SOX5: variants seen among roughly 807,000 people sequenced by gnomAD.
SOX5 encodes transcription factor SOX-5.
In SOX5, 9 loss-of-function variants were observed where a neutral mutation model predicts 92.0. The observed-to-expected ratio is 0.10, with a 90% CI of 0.06 to 0.17. SOX5 has a LOEUF of 0.17. Ranked by LOEUF, SOX5 falls within the 10% of genes least tolerant of loss-of-function variation. The probability of loss-of-function intolerance (pLI) is 1.00; values close to 1 mark genes in which losing one functional copy is unlikely to be tolerated. For synonymous variants in SOX5, 344 were observed against 336.3 expected (o/e 1.02, Z -0.25); for missense variants, 642 against 944.5 (o/e 0.68, Z 4.20).
chr12:24,095,128 C>CAGAGAGAGAGAGAGAGAG (rs764681203), intron 4 of SOX5, among the ~76,000 whole-genome samples: 5 of 90,232 alleles, frequency 5.5e-5, no homozygotes, highest in East Asian at 3.0e-4. Flanking sequence ...CACACACACA[C>CAGAGAGAGAGAGAGAGAG]AGAGAGAGAG....
At chr12:24,009,562 G>A (rs1335011412) in intron 4 of SOX5, among the ~76,000 whole-genome samples, 1 of 151,996 alleles carries the variant, frequency 6.6e-6, no homozygotes, top group Non-Finnish European at 1.5e-5. Flanking sequence ...ATTAAATTTT[G>A]GAGTGACAGG....
intron 1 of SOX5, among the ~76,000 whole-genome samples, chr12:24,402,291 A>G (rs1218599290): frequency 6.6e-6 from 1 of 152,214 alleles, no homozygotes; most frequent in African/African-American, 2.4e-5. Flanking sequence ...GACATAGTAA[A>G]TCTACCTCTG....
chr12:24,084,602 T>C (rs1943742133), intron 4 of SOX5, among the ~76,000 whole-genome samples: 2 of 152,234 alleles, frequency 1.3e-5, no homozygotes, highest in Admixed American at 6.6e-5. Context: ...AAGTAAAATA[T>C]GAACATGGCA....
intron 4 of SOX5, among the ~76,000 whole-genome samples, chr12:24,027,581 G>A (rs538286702): frequency 6.6e-6 from 1 of 151,976 alleles, no homozygotes; most frequent in South Asian, 2.1e-4. Context: ...GCAGAGTAGT[G>A]GGATGGTAAC....
chr12:24,387,258 C>G (rs1032722221), intron 1 of SOX5, among the ~76,000 whole-genome samples: 2 of 152,204 alleles, frequency 1.3e-5, no homozygotes, highest in African/African-American at 4.8e-5. Flanking sequence ...CAGTTTCATC[C>G]TATCCCTGTA....
intron 3 of SOX5, among the ~76,000 whole-genome samples, chr12:24,241,727 C>T (rs554035596): frequency 6.6e-6 from 1 of 152,202 alleles, no homozygotes; most frequent in South Asian, 2.1e-4. Context: ...AGTTAAGATC[C>T]CCAGCATGCA....
intron 6 of SOX5, among the ~76,000 whole-genome samples, chr12:23,696,328 A>G (rs898296770): frequency 4.6e-5 from 7 of 151,986 alleles, no homozygotes; most frequent in African/African-American, 7.3e-5. Context: ...CAGGGCATGC[A>G]TTTCTCCTTG....
Position 23,837,309 on chromosome 12 carries a change from A to G in SOX5, c.481+8674T>C, listed in dbSNP as rs865839539. 1.6e-3 allele frequency among the ~76,000 whole-genome samples: 157 copies of G among 100,094 alleles called. 7 individuals are homozygous for G. The Middle Eastern group carries it at 0.024, about 15-fold the overall frequency. The allele number at this position is 100,094 out of a possible 152,430, so 65.7% of individuals were successfully genotyped here. ...TTTATATTTATATAATATATAAGAT[A>G]TATTTATATTTATATAATATATAAG... On this transcript the variant is annotated intron_variant, in intron 3 of 14. Transcript: ENST00000451604.
chr12:24,030,965 G>C (rs1389897212), intron 4 of SOX5, among the ~76,000 whole-genome samples: 1 of 151,766 alleles, frequency 6.6e-6, no homozygotes, highest in Non-Finnish European at 1.5e-5. Flanking sequence ...CTAATCATCA[G>C]GGAAATGCAA....
At chr12:23,891,602 G>A (rs1436727183) in intron 2 of SOX5, among the ~76,000 whole-genome samples, 5 of 84,120 alleles carry the variant, frequency 5.9e-5, no homozygotes, top group African/African-American at 2.0e-4. Flanking sequence ...ATGAAAAGCT[G>A]CCTTCTTTTT....
At chr12:24,299,980 C>T (rs1034798738) in intron 2 of SOX5, among the ~76,000 whole-genome samples, 1 of 152,154 alleles carries the variant, frequency 6.6e-6, no homozygotes, top group African/African-American at 2.4e-5. Flanking sequence ...ATTCTGGAGG[C>T]ATTTCCTAAA....
At chr12:24,424,212 A>G (rs1400391614) in intron 1 of SOX5, among the ~76,000 whole-genome samples, 2 of 152,258 alleles carry the variant, frequency 1.3e-5, no homozygotes, top group South Asian at 2.1e-4. Flanking sequence ...TAGATAAAGG[A>G]CTGCCTGAAG....
At chr12:23,545,208 G>A (rs2136054444) in intron 12 of SOX5, among the ~76,000 whole-genome samples, 1 of 152,218 alleles carries the variant, frequency 6.6e-6, no homozygotes, top group South Asian at 2.1e-4. Context: ...GATTCAAGGG[G>A]ACCCCCTCTC....
chr12:24,315,099 C>T (rs1949575081), intron 2 of SOX5, among the ~76,000 whole-genome samples: 1 of 152,192 alleles, frequency 6.6e-6, no homozygotes, highest in Admixed American at 6.5e-5. Context: ...GAAATCAAAT[C>T]ATATGACAGC....
rs775770991 is a variant in SOX5, at chr12:24,284,087, G to A, written c.-173-6775C>T. 4.6e-5 allele frequency among the ~76,000 whole-genome samples: 7 copies of A among 152,288 alleles called. No homozygotes were observed. In the East Asian group the frequency reaches 5.8e-4, roughly 13 times the overall value. On this transcript the variant is annotated intron_variant, in intron 2 of 4. Coordinates refer to the SOX5 transcript ENST00000446891. ...CAGCCAGAGGCTATGTCAGATAGTC[G>A]CATTGTCTGTCCCCAATCCCACAAA...
At chr12:24,451,512 C>T (rs1364823738) in intron 1 of SOX5, among the ~76,000 whole-genome samples, 2 of 152,084 alleles carry the variant, frequency 1.3e-5, no homozygotes, top group Non-Finnish European at 2.9e-5. Context: ...GAGATAATAT[C>T]TCATTGTAGT....
intron 5 of SOX5, among the ~76,000 whole-genome samples, chr12:23,738,944 A>G (rs2093701081): frequency 6.6e-6 from 1 of 152,214 alleles, no homozygotes; most frequent in Non-Finnish European, 1.5e-5. Context: ...TCTTTAATGA[A>G]AGTGATTAGG....
At chr12:24,167,164 C>A (rs542550587) in intron 4 of SOX5, among the ~76,000 whole-genome samples, 1 of 152,244 alleles carries the variant, frequency 6.6e-6, no homozygotes, top group East Asian at 1.9e-4. Context: ...TTACTTATTT[C>A]CCAAATGACA....
chr12:24,036,865 T>C (rs1224225713), intron 4 of SOX5, among the ~76,000 whole-genome samples: 1 of 152,220 alleles, frequency 6.6e-6, no homozygotes, highest in Admixed American at 6.5e-5. Context: ...TCTGATTTCC[T>C]GACAATAAAG....
Sources: gnomAD v4.1 joint callset for allele counts (sites outside exome capture counted in the v4.1 genomes callset) on GRCh38, gnomAD v4.1.1 for gene constraint, MANE v1.5 for transcripts, NCBI Gene and HGNC (gene_info 2026-07-23, HGNC 2026-07-21) for gene names.